The following MAGI1 variants were observed in gnomAD, a reference collection of about 807,000 sequenced individuals.
The protein encoded by MAGI1 is membrane-associated guanylate kinase, WW and PDZ domain-containing protein 1.
A neutral mutation model predicts 139.9 loss-of-function variants in MAGI1; 58 were observed. The ratio of observed to expected loss-of-function variants is 0.41; its 90% CI spans 0.34 to 0.52. The LOEUF (loss-of-function observed/expected upper bound fraction) is 0.52, where lower values mean the gene tolerates loss of function less well. MAGI1 is among the 20% of genes least tolerant of loss of function. The pLI is 0.12. For missense variants in MAGI1, 1,874 were observed against 1,901.6 expected, an observed-to-expected ratio of 0.99 and a Z score of 0.27; for synonymous variants, 812 against 737.9, an observed-to-expected ratio of 1.10 and a Z score of -1.63.
intron 1 of MAGI1, among the ~76,000 whole-genome samples, chr3:65,830,619 G>T (rs1468534702): frequency 6.6e-6 from 1 of 152,094 alleles, no homozygotes. Context: ...AAACAAGACT[G>T]ACTTATATTT....
intron 1 of MAGI1, among the ~76,000 whole-genome samples, chr3:65,712,652 C>T (rs933511372): frequency 9.2e-5 from 14 of 151,966 alleles, no homozygotes; most frequent in African/African-American, 3.1e-4. Context: ...GCCGGGACTA[C>T]AGGCACACAC....
chr3:65,360,281 C>T (rs758021949), intron 22 of MAGI1: 2 of 984,218 alleles, frequency 2.0e-6, no homozygotes, highest in African/African-American at 1.8e-5. Context: ...CATTCAATCA[C>T]AGTTTCTATA....
chr3:65,865,432 C>T (rs1286262892), intron 1 of MAGI1, among the ~76,000 whole-genome samples: 10 of 152,020 alleles, frequency 6.6e-5, no homozygotes, highest in Admixed American at 6.6e-5. Context: ...ATCATCTCTA[C>T]AAACAATACA....
At chr3:66,025,706 GTGTC>G (rs1375443952) in intron 1 of MAGI1, among the ~76,000 whole-genome samples, 3 of 152,130 alleles carry the variant, frequency 2.0e-5, no homozygotes, top group Non-Finnish European at 4.4e-5. Context: ...GTATGTGTGT[GTGTC>G]TGTGTGTGTG....
chr3:65,383,645 GAGA>G (rs1264087478), intron 14 of MAGI1, 22 bp from the exon 15 acceptor site: 4 of 1,444,532 alleles, frequency 2.8e-6, no homozygotes, highest in Non-Finnish European at 3.9e-6. Flanking sequence ...GGAGAAAAAA[GAGA>G]AGGATTATTT....
At chr3:65,538,061 G>A (rs1266722148) in intron 2 of MAGI1, among the ~76,000 whole-genome samples, 1 of 152,190 alleles carries the variant, frequency 6.6e-6, no homozygotes, top group African/African-American at 2.4e-5. Context: ...CTTGAACCCA[G>A]GAGGCAGAGG....
chr3:65,487,306 C>G (rs751359222), intron 3 of MAGI1, among the ~76,000 whole-genome samples: 1 of 152,168 alleles, frequency 6.6e-6, no homozygotes, highest in African/African-American at 2.4e-5. Context: ...GTCTTGTTCA[C>G]TAGACATTTA....
intron 1 of MAGI1, among the ~76,000 whole-genome samples, chr3:65,805,610 A>C (rs1156534224): frequency 6.6e-6 from 1 of 152,220 alleles, no homozygotes; most frequent in Non-Finnish European, 1.5e-5. Flanking sequence ...AGGAATATAA[A>C]TCATTCTATT....
intron 1 of MAGI1, among the ~76,000 whole-genome samples, chr3:65,880,223 C>T (rs1278378902): frequency 1.3e-5 from 2 of 150,914 alleles, no homozygotes; most frequent in African/African-American, 2.5e-5. Context: ...ACCTGGGTGA[C>T]AGAGCAAGAC....
intron 5 of MAGI1, among the ~76,000 whole-genome samples, chr3:65,463,725 G>A (rs1234352367): frequency 1.3e-5 from 2 of 152,048 alleles, no homozygotes; most frequent in African/African-American, 4.8e-5. Context: ...GTATAACTCT[G>A]GTAGTATTTG....
chr3:65,670,368 A>G (rs1448293888), intron 1 of MAGI1, among the ~76,000 whole-genome samples: 1 of 151,950 alleles, frequency 6.6e-6, no homozygotes, highest in Non-Finnish European at 1.5e-5. Flanking sequence ...ATATACACAT[A>G]AGTGCTTGGC....
chr3:65,630,030 A>C (rs1257906340), intron 1 of MAGI1, among the ~76,000 whole-genome samples: 1 of 152,244 alleles, frequency 6.6e-6, no homozygotes, highest in African/African-American at 2.4e-5. Flanking sequence ...AGTTAAAATC[A>C]CCTGTGACTT....
At chr3:65,635,826 C>T (rs1181920820) in intron 1 of MAGI1, among the ~76,000 whole-genome samples, 3 of 152,192 alleles carry the variant, frequency 2.0e-5, no homozygotes, top group African/African-American at 7.2e-5. Context: ...TATGATCTGA[C>T]GTCATTCATG....
At chr3:65,729,441 C>T (rs2033967612) in intron 1 of MAGI1, among the ~76,000 whole-genome samples, 1 of 152,138 alleles carries the variant, frequency 6.6e-6, no homozygotes, top group African/African-American at 2.4e-5. Context: ...ATACTATGCA[C>T]AGTAGACAAT....
At chr3:65,881,729 G>A (rs11131041) in intron 1 of MAGI1, among the ~76,000 whole-genome samples, 23,013 of 152,182 alleles carry the variant, frequency 0.15, 2,009 homozygotes, top group Middle Eastern at 0.28. Flanking sequence ...ACGTCTAGGT[G>A]TACAGGAATG....
intron 22 of MAGI1, chr3:65,360,689 G>A: frequency 1.0e-6 from 1 of 987,262 alleles, no homozygotes; most frequent in Non-Finnish European, 1.2e-6. Flanking sequence ...CCAGTTGGGG[G>A]ATGGAGAAGT....
intron 1 of MAGI1, among the ~76,000 whole-genome samples, chr3:65,636,103 A>G (rs1396756190): frequency 6.6e-6 from 1 of 152,206 alleles, no homozygotes; most frequent in African/African-American, 2.4e-5. Flanking sequence ...AGTAATCGCC[A>G]TGGTCCCGGG....
At chr3:65,868,543 G>A (rs2059809460) in intron 1 of MAGI1, among the ~76,000 whole-genome samples, 1 of 152,110 alleles carries the variant, frequency 6.6e-6, no homozygotes, top group African/African-American at 2.4e-5. Context: ...TATCAGTTAT[G>A]GGGTATCACA....
intron 1 of MAGI1, among the ~76,000 whole-genome samples, chr3:65,995,943 A>G (rs1453023110): frequency 6.6e-6 from 1 of 152,148 alleles, no homozygotes; most frequent in African/African-American, 2.4e-5. Context: ...GGTTGTAGGG[A>G]GCTATGATCG....
Sources: gnomAD v4.1 joint callset for allele counts (sites outside exome capture counted in the v4.1 genomes callset) on GRCh38, gnomAD v4.1.1 for gene constraint, MANE v1.5 for transcripts, NCBI Gene and HGNC (gene_info 2026-07-23, HGNC 2026-07-21) for gene names.